CAMK2G: variants seen among roughly 807,000 people sequenced by gnomAD.
CAMK2G encodes the protein calcium/calmodulin-dependent protein kinase type II subunit gamma.
Under a neutral mutation model 88.7 loss-of-function variants are expected in CAMK2G, and 23 were observed. That is an observed-to-expected ratio of 0.26 (90% CI 0.19 to 0.37). The LOEUF (loss-of-function observed/expected upper bound fraction) is 0.37. Ranked by LOEUF, CAMK2G falls within the 10% of genes least tolerant of loss-of-function variation. The probability of loss-of-function intolerance (pLI) is 1.00; values close to 1 mark genes in which losing one functional copy is unlikely to be tolerated. For missense variants in CAMK2G, 476 were observed against 780.8 expected (o/e 0.61, Z 4.65); for synonymous variants, 263 against 294.8 (o/e 0.89, Z 1.11).
intron 15 of CAMK2G, among the ~76,000 whole-genome samples, chr10:73,827,333 C>T (rs539619477): frequency 6.6e-6 from 1 of 152,312 alleles, no homozygotes; most frequent in African/African-American, 2.4e-5. Context: ...ACTACAGGCG[C>T]CCACCACCAC....
intron 3 of CAMK2G, among the ~76,000 whole-genome samples, chr10:73,859,436 G>A (rs977998444): frequency 2.0e-5 from 3 of 152,174 alleles, no homozygotes; most frequent in Non-Finnish European, 4.4e-5. Flanking sequence ...AATATTTTTA[G>A]ACCACTGAGT....
In CAMK2G at chr10:73,820,645, C is replaced by T. The variant is rs561971104; in HGVS notation, c.1250-1000G>A. Among the ~76,000 whole-genome samples, 766 of 141,788 alleles carry T rather than the reference C, an allele frequency of 5.4e-3. 11 individuals are homozygous for T. Among genetic ancestry groups the T allele is most frequent in the South Asian group, 0.037 (166 of 4,454 alleles). 93.0% of individuals were successfully genotyped at this position (141,788 alleles called of 152,430 possible). ...CCGAGTAGCTGGGATTACAGGACCC[C>T]GCCACCACACCCGGCTAATTTTTTT... is the stretch of plus-strand genomic sequence containing the variant. On this transcript the variant is annotated intron_variant, in intron 18 of 22. Transcript: ENST00000423381.
rs182468171 is a variant in CAMK2G, at chr10:73,863,249, A to G, written c.161-2360T>C. ...CTTCCTTCCTGTGCCTGGGTTCAGC[A>G]TGACCACCGACCAGGATGCAGCCAG... On this transcript the variant is annotated intron_variant, in intron 2 of 22. Coordinates refer to ENST00000423381, the MANE Select transcript of CAMK2G (RefSeq NM_001367534.1). 1.2e-3 allele frequency among the ~76,000 whole-genome samples: 183 copies of G among 152,270 alleles called. No individual in the cohort carries two copies. In the Middle Eastern group the frequency reaches 0.017, roughly 14 times the overall value.
At chr10:73,858,794 T>C (rs1018556979) in intron 3 of CAMK2G, among the ~76,000 whole-genome samples, 1 of 152,252 alleles carries the variant, frequency 6.6e-6, no homozygotes, top group African/African-American at 2.4e-5. Flanking sequence ...TATTTAATTC[T>C]AGAAATAAAT....
intron 17 of CAMK2G, 74 bp downstream of exon 17, chr10:73,823,966 G>T: frequency 1.7e-6 from 2 of 1,186,910 alleles, no homozygotes; most frequent in Non-Finnish European, 1.3e-6. Flanking sequence ...GGTGCAGCCT[G>T]TAGACCCCTG....
intron 4 of CAMK2G, 35 bp downstream of exon 4, chr10:73,853,157 G>C: frequency 1.9e-6 from 3 of 1,601,844 alleles, no homozygotes; most frequent in Non-Finnish European, 1.7e-6. Context: ...CAGCTAGAGG[G>C]AAAGGCCCCC....
chr10:73,874,390 G>A lies in CAMK2G; in HGVS notation c.65+7C>T. 2.0e-6 allele frequency: 3 copies of A among 1,487,970 alleles called. No homozygotes were observed. The highest frequency in any genetic ancestry group is 2.7e-6 in the Non-Finnish European group (3 of 1,107,298). 92.2% of individuals were successfully genotyped at this position (1,487,970 alleles called of 1,614,324 possible). On this transcript the variant is annotated splice_region_variant and intron_variant, in intron 1 of 22. Coordinates refer to ENST00000423381, the MANE Select transcript of CAMK2G (RefSeq NM_001367534.1). ...GCAGGCAGGGGACCGCGGCGGGCGGGCCGTACTTGCCAAGCTCCTCGAAGA... is the reference window on the plus strand; with the variant it reads ...GCAGGCAGGGGACCGCGGCGGGCGGACCGTACTTGCCAAGCTCCTCGAAGA...
intron 2 of CAMK2G, among the ~76,000 whole-genome samples, chr10:73,868,813 G>A (rs2095691003): frequency 6.6e-6 from 1 of 152,174 alleles, no homozygotes. Context: ...GGGACTCTCA[G>A]CTGGCACCAT....
At chr10:73,870,893 C>G (rs1003241822) in intron 2 of CAMK2G, among the ~76,000 whole-genome samples, 3 of 152,190 alleles carry the variant, frequency 2.0e-5, no homozygotes, top group African/African-American at 7.2e-5. Context: ...GTTCACATCT[C>G]CCATGCCCAC....
intron 3 of CAMK2G, among the ~76,000 whole-genome samples, chr10:73,855,466 A>G (rs966176649): frequency 1.3e-5 from 2 of 152,188 alleles, no homozygotes; most frequent in South Asian, 2.1e-4. Flanking sequence ...AAGTGGAGCC[A>G]CTCAGCTCTG....
At chr10:73,872,265 G>A (rs1289832916) in intron 2 of CAMK2G, among the ~76,000 whole-genome samples, 1 of 152,224 alleles carries the variant, frequency 6.6e-6, no homozygotes, top group Non-Finnish European at 1.5e-5. Context: ...GGAGGATCTC[G>A]CAAGTGAGGC....
Position 73,853,357 on chromosome 10 carries a change from C to T in CAMK2G, c.221-111G>A. ...CATCCTGTCGGGCTCACAGGGCTCTCCAGAAGGAGCAGTGGGGGGAAGTGG... is the reference window on the plus strand; with the variant it reads ...CATCCTGTCGGGCTCACAGGGCTCTTCAGAAGGAGCAGTGGGGGGAAGTGG... On this transcript the variant is annotated intron_variant, in intron 3 of 22. Transcript: ENST00000423381. 5.4e-6 allele frequency: 5 copies of T among 920,184 alleles called. No individual in the cohort carries two copies. In the South Asian group the frequency reaches 7.2e-5, roughly 13 times the overall value. 57.0% of individuals were successfully genotyped at this position (920,184 alleles called of 1,614,324 possible).
At chr10:73,874,107 T>C (rs1591548419) in intron 1 of CAMK2G, among the ~76,000 whole-genome samples, 1 of 46,824 alleles carries the variant, frequency 2.1e-5, no homozygotes, top group East Asian at 4.4e-4. Context: ...GGGGGGCGCC[T>C]GAAGGGTGCG....
chr10:73,869,152 T>G (rs1249361187), intron 2 of CAMK2G, among the ~76,000 whole-genome samples: 1 of 152,246 alleles, frequency 6.6e-6, no homozygotes, highest in Non-Finnish European at 1.5e-5. Flanking sequence ...TGCATGAAAT[T>G]CACTGGAGCA....
At chr10:73,850,007 T>C (rs189138323) in intron 5 of CAMK2G, among the ~76,000 whole-genome samples, 119 of 152,308 alleles carry the variant, frequency 7.8e-4, no homozygotes, top group African/African-American at 2.6e-3. Context: ...TTTATTATTT[T>C]ATTTTTGAGA....
At chr10:73,838,294 T>G (rs1332369987) in intron 13 of CAMK2G, among the ~76,000 whole-genome samples, 2 of 152,166 alleles carry the variant, frequency 1.3e-5, no homozygotes, top group Non-Finnish European at 2.9e-5. Flanking sequence ...CACAGGGAGA[T>G]GGAATCAGCC....
chr10:73,831,534 T>TAAAAA (rs985986206), intron 14 of CAMK2G, among the ~76,000 whole-genome samples: 19 of 54,570 alleles, frequency 3.5e-4, no homozygotes, highest in Non-Finnish European at 5.3e-4. Flanking sequence ...AGACTCCGTC[T>TAAAAA]AAAAAAAAAA....
In CAMK2G at chr10:73,817,802, C is replaced by T. The variant is rs1205493015; in HGVS notation, c.1364-248G>A. ...AGTTATGGTTCTTTGGCCTTTGCCT[C>T]CCTTTCCATCAACAACCAGGTTGCA... On this transcript the variant is annotated intron_variant, in intron 19 of 22. Coordinates refer to ENST00000423381, the MANE Select transcript of CAMK2G (RefSeq NM_001367534.1). 4.1e-5 allele frequency: 22 copies of T among 539,258 alleles called. No homozygotes were observed. In the South Asian group the frequency reaches 5.5e-4, roughly 13 times the overall value. The allele number at this position is 539,258 out of a possible 1,614,324, so 33.4% of individuals were successfully genotyped here.
At chr10:73,820,663 ATTTTTTTTTTT>A (rs1198716305) in intron 18 of CAMK2G, among the ~76,000 whole-genome samples, 9 of 46,128 alleles carry the variant, frequency 2.0e-4, no homozygotes, top group South Asian at 1.2e-3. Context: ...CACCCGGCTA[ATTTTTTTTTTT>A]TTTTTTTTTT....
Sources: allele counts gnomAD v4.1 joint callset (sites outside exome capture counted in the v4.1 genomes callset), GRCh38; gene constraint gnomAD v4.1.1; transcripts MANE v1.5; gene names NCBI Gene and HGNC (gene_info 2026-07-23, HGNC 2026-07-21).